Variants in CACNA2D3 observed in about 807,000 individuals in gnomAD.
CACNA2D3 encodes calcium voltage-gated channel auxiliary subunit alpha2delta 3.
Under a neutral mutation model 160.6 loss-of-function variants are expected in CACNA2D3, and 60 were observed. The ratio of observed to expected loss-of-function variants is 0.37; its 90% CI spans 0.30 to 0.46. The LOEUF (loss-of-function observed/expected upper bound fraction) is 0.46. CACNA2D3 is among the 20% of genes least tolerant of loss of function. The pLI is 1.00. For missense variants in CACNA2D3, 1,205 were observed against 1,365.0 expected (o/e 0.88, Z 1.85); for synonymous variants, 558 against 492.9 (o/e 1.13, Z -1.75).
intron 4 of CACNA2D3, among the ~76,000 whole-genome samples, chr3:54,402,135 A>G (rs1699479044): frequency 6.6e-6 from 1 of 152,204 alleles, no homozygotes; most frequent in African/African-American, 2.4e-5. Flanking sequence ...CATATATACC[A>G]ATGATAAAGA....
At chr3:54,323,617 C>T (rs931775955) in intron 3 of CACNA2D3, among the ~76,000 whole-genome samples, 29 of 152,214 alleles carry the variant, frequency 1.9e-4, no homozygotes, top group Non-Finnish European at 4.0e-4. Flanking sequence ...CAGGCACCCG[C>T]CACCATGCCC....
At chr3:54,987,915 A>G (rs1421371870) in intron 31 of CACNA2D3, among the ~76,000 whole-genome samples, 162 bp downstream of exon 31, 9 of 152,016 alleles carry the variant, frequency 5.9e-5, no homozygotes, top group Admixed American at 5.9e-4. Context: ...CTCTTGCACG[A>G]GTGTTAGAGT....
intron 3 of CACNA2D3, among the ~76,000 whole-genome samples, chr3:54,333,740 A>G (rs1704317940): frequency 6.6e-6 from 1 of 152,188 alleles, no homozygotes; most frequent in South Asian, 2.1e-4. Context: ...TTTCAGCTAC[A>G]TTTAGCAGAT....
intron 2 of CACNA2D3, among the ~76,000 whole-genome samples, chr3:54,253,899 C>A (rs1034317975): frequency 6.6e-6 from 1 of 152,012 alleles, no homozygotes; most frequent in African/African-American, 2.4e-5. Context: ...TCCCGAGTAG[C>A]TGGGATTATA....
At chr3:55,000,010 G>A (rs973496475) in intron 31 of CACNA2D3, among the ~76,000 whole-genome samples, 18 of 152,150 alleles carry the variant, frequency 1.2e-4, no homozygotes, top group Non-Finnish European at 2.1e-4. Context: ...GGCACACAGC[G>A]ATGCTAATGA....
At chr3:54,904,665 C>G (rs1700414541) in intron 27 of CACNA2D3, among the ~76,000 whole-genome samples, 1 of 152,084 alleles carries the variant, frequency 6.6e-6, no homozygotes, top group South Asian at 2.1e-4. Context: ...TCTTTTTATT[C>G]CCAGTGCCAA....
chr3:54,345,307 G>GT lies in CACNA2D3; in HGVS notation c.321+24755dup, dbSNP rs1310976673. ...TGTAACACAACCTCCAGCTATTTCT[G>GT]TTTTTTCCTTCATAATTTTTGCCTT... On this transcript the variant is annotated intron_variant, in intron 3 of 37. Transcript: ENST00000474759. 2.6e-5 allele frequency among the ~76,000 whole-genome samples: 4 copies of GT among 152,192 alleles called. No individual in the cohort carries two copies. The South Asian group carries it at 6.2e-4, about 24-fold the overall frequency.
At chr3:54,542,698 C>T (rs1702000365) in intron 5 of CACNA2D3, among the ~76,000 whole-genome samples, 1 of 152,062 alleles carries the variant, frequency 6.6e-6, no homozygotes, top group Non-Finnish European at 1.5e-5. Context: ...TTTAGTCACA[C>T]TGGCGGCTGA....
chr3:54,468,682 G>A (rs1193088974), intron 4 of CACNA2D3, among the ~76,000 whole-genome samples: 1 of 152,186 alleles, frequency 6.6e-6, no homozygotes, highest in Non-Finnish European at 1.5e-5. Context: ...CCACTGGATT[G>A]AAATTCTTGC....
chr3:54,496,456 T>G (rs1244284734), intron 4 of CACNA2D3, among the ~76,000 whole-genome samples: 1 of 152,206 alleles, frequency 6.6e-6, no homozygotes, highest in Non-Finnish European at 1.5e-5. Flanking sequence ...TACCTTCTTT[T>G]GTAAAGTGTC....
At chr3:54,371,232 A>T (rs1559463285) in intron 3 of CACNA2D3, among the ~76,000 whole-genome samples, 1 of 152,148 alleles carries the variant, frequency 6.6e-6, no homozygotes, top group Non-Finnish European at 1.5e-5. Context: ...GTGTGTATCT[A>T]GGAGTCGAAT....
chr3:54,898,828 A>G (rs923641508), intron 26 of CACNA2D3, among the ~76,000 whole-genome samples: 3 of 152,210 alleles, frequency 2.0e-5, no homozygotes, highest in Admixed American at 1.3e-4. Flanking sequence ...ATGACGTAAC[A>G]TCTTAGGACA....
intron 2 of CACNA2D3, among the ~76,000 whole-genome samples, chr3:54,268,261 C>T (rs956956563): frequency 2.0e-5 from 3 of 152,166 alleles, no homozygotes; most frequent in African/African-American, 7.2e-5. Context: ...GATGGCCATT[C>T]AGGGGTCGTT....
chr3:54,534,192 A>G (rs1701850682), intron 5 of CACNA2D3, among the ~76,000 whole-genome samples: 2 of 152,146 alleles, frequency 1.3e-5, no homozygotes, highest in African/African-American at 4.8e-5. Flanking sequence ...CTGTTTCTGG[A>G]CAGTCTTTTC....
At chr3:55,008,060 G>A (rs761690290) in intron 33 of CACNA2D3, among the ~76,000 whole-genome samples, 21 of 152,130 alleles carry the variant, frequency 1.4e-4, no homozygotes, top group African/African-American at 5.1e-4. Context: ...TTAGGTCATC[G>A]TTTAGCAGAT....
chr3:54,762,765 C>T (rs1046078202), intron 12 of CACNA2D3, among the ~76,000 whole-genome samples: 3 of 152,210 alleles, frequency 2.0e-5, no homozygotes, highest in Admixed American at 1.3e-4. Context: ...CACAAGACAA[C>T]AGCATGGTGA....
intron 14 of CACNA2D3, among the ~76,000 whole-genome samples, chr3:54,820,752 A>G (rs561321673): frequency 1.3e-5 from 2 of 152,212 alleles, no homozygotes; most frequent in Admixed American, 1.3e-4. Flanking sequence ...TCTGCTTTTT[A>G]AAAATTCTTC....
At chr3:54,840,767 G>A (rs1460931360) in intron 16 of CACNA2D3, among the ~76,000 whole-genome samples, 3 of 140,636 alleles carry the variant, frequency 2.1e-5, no homozygotes, top group African/African-American at 5.4e-5. Context: ...TGTCACCCAG[G>A]GCTGGAGTGC....
chr3:54,934,786 C>T (rs1701288055), intron 27 of CACNA2D3, among the ~76,000 whole-genome samples: 1 of 152,150 alleles, frequency 6.6e-6, no homozygotes, highest in Admixed American at 6.5e-5. Flanking sequence ...GGCTGGAGTG[C>T]AGTGGCGCTA....
Sources: gnomAD v4.1 joint callset for allele counts (sites outside exome capture counted in the v4.1 genomes callset) on GRCh38, gnomAD v4.1.1 for gene constraint, MANE v1.5 for transcripts, NCBI Gene and HGNC (gene_info 2026-07-23, HGNC 2026-07-21) for gene names.